The following EIF4E variants were observed in gnomAD, a reference collection of about 807,000 sequenced individuals.
EIF4E encodes the protein eukaryotic translation initiation factor 4E, also known as eIF-4F 25 kDa subunit.
For synonymous variants in EIF4E, 71 were observed against 88.5 expected, an observed-to-expected ratio of 0.80 and a Z score of 1.11; for missense variants, 113 against 265.6, an observed-to-expected ratio of 0.43 and a Z score of 3.99.
At chr4:98,882,396 CAAAAAAAA>C (rs33922454) in intron 6 of EIF4E, among the ~76,000 whole-genome samples, 2 of 85,212 alleles carry the variant, frequency 2.3e-5, no homozygotes, top group African/African-American at 4.5e-5. Context: ...GACTCCGTCT[CAAAAAAAA>C]AAAAAAAAAA....
chr4:98,912,983 G>T (rs1725218689), intron 1 of EIF4E, among the ~76,000 whole-genome samples: 1 of 152,066 alleles, frequency 6.6e-6, no homozygotes, highest in South Asian at 2.1e-4. Context: ...GAGGCAGGCG[G>T]ATCACCTGAG....
At chr4:98,891,211 A>G (rs778345747) in intron 3 of EIF4E, 26 bp downstream of exon 3, 1 of 1,610,826 alleles carries the variant, frequency 6.2e-7, no homozygotes, top group South Asian at 1.1e-5. Flanking sequence ...AAAACAACAA[A>G]CATACTAAAA....
intron 1 of EIF4E, among the ~76,000 whole-genome samples, chr4:98,914,228 T>C (rs190935595): frequency 0.014 from 2,161 of 151,702 alleles, 15 homozygotes; most frequent in Non-Finnish European, 0.02. Context: ...TGGTGGCGCA[T>C]GCCTGTAATC....
chr4:98,884,936 A>G lies in EIF4E; in HGVS notation c.525T>C (p.Ala175=). 1 of 1,612,984 alleles carries G rather than the reference A, an allele frequency of 6.2e-7. No individual in the cohort carries two copies. Among genetic ancestry groups the G allele is most frequent in the East Asian group, 2.2e-5 (1 of 44,806 alleles). Residue 175 remains alanine, a synonymous_variant, in exon 6 of 7, where the codon GCT becomes GCC. Coordinates refer to ENST00000450253, the MANE Select transcript of EIF4E (RefSeq NM_001968.5). Reference sequence around the variant, plus strand: ...GCAAAACTTACCCTATATGTGTAACAGCTTCTCTGTTTTCACATTCAGTAG... The same window carrying G: ...GCAAAACTTACCCTATATGTGTAACGGCTTCTCTGTTTTCACATTCAGTAG... ...IWTTECENRE[A]VTHIGRVYKE...
intron 3 of EIF4E, among the ~76,000 whole-genome samples, chr4:98,888,996 T>C (rs1346793604): frequency 2.6e-5 from 4 of 151,718 alleles, no homozygotes; most frequent in African/African-American, 4.8e-5. Context: ...CTGTCTCTAC[T>C]AAAAATACAA....
intron 2 of EIF4E, among the ~76,000 whole-genome samples, chr4:98,892,654 C>T (rs1365861482): frequency 1.4e-5 from 2 of 144,868 alleles, no homozygotes; most frequent in Non-Finnish European, 3.0e-5. Context: ...AGCACTCCAG[C>T]CAGGGCAACA....
intron 1 of EIF4E, among the ~76,000 whole-genome samples, chr4:98,905,528 G>A (rs1321231780): frequency 6.6e-6 from 1 of 152,164 alleles, no homozygotes; most frequent in Non-Finnish European, 1.5e-5. Context: ...GTAGGTTGGA[G>A]TGAGACTGTT....
chr4:98,896,506 A>AAAAAC (rs1724405797), intron 2 of EIF4E, among the ~76,000 whole-genome samples: 1 of 149,070 alleles, frequency 6.7e-6, no homozygotes, highest in African/African-American at 2.5e-5. Context: ...AAAAAAAAAA[A>AAAAAC]AAAACACCTT....
chr4:98,918,472 T>TA (rs546491554), intron 1 of EIF4E, among the ~76,000 whole-genome samples: 94 of 148,824 alleles, frequency 6.3e-4, no homozygotes, highest in African/African-American at 9.6e-4. Flanking sequence ...GGAGGAGCAC[T>TA]AAAAAAAAAA....
chr4:98,903,310 A>G, intron 1 of EIF4E: 2 of 409,176 alleles, frequency 4.9e-6, no homozygotes, highest in Non-Finnish European at 9.3e-6. Flanking sequence ...TTTATTGTCT[A>G]AAAGAATGCA....
intron 2 of EIF4E, among the ~76,000 whole-genome samples, 160 bp downstream of exon 2, chr4:98,901,716 T>C (rs1294803852): frequency 6.6e-6 from 1 of 152,204 alleles, no homozygotes; most frequent in Non-Finnish European, 1.5e-5. Context: ...GACTCACACA[T>C]AAAACTGTCT....
At chr4:98,903,573 A>G (rs1724738534) in intron 1 of EIF4E, 26 of 426,454 alleles carry the variant, frequency 6.1e-5, no homozygotes, top group Non-Finnish European at 9.8e-5. Context: ...CAAACTCCTG[A>G]GCTCAAGCAA....
chr4:98,921,224 C>T (rs1332558461), intron 1 of EIF4E, among the ~76,000 whole-genome samples: 1 of 152,090 alleles, frequency 6.6e-6, no homozygotes, highest in East Asian at 1.9e-4. Flanking sequence ...ATATACATTT[C>T]ACATATCAAT....
At chr4:98,899,724 C>T (rs933079047) in intron 2 of EIF4E, among the ~76,000 whole-genome samples, 1 of 151,966 alleles carries the variant, frequency 6.6e-6, no homozygotes, top group African/African-American at 2.4e-5. Context: ...GTAAAATATG[C>T]ACATACAAAC....
chr4:98,901,950 T>C lies in EIF4E; in HGVS notation c.51A>G (p.Thr17=), dbSNP rs538537081. The part of the protein sequence containing the change: ...ETTPTPNPPT[T]EEEKTESNQE... Reference sequence around the variant, plus strand: ...GATTAGATTCCGTTTTCTCCTCTTCTGTAGTCGGGGGATTAGGAGTAGGGG... The same window carrying C: ...GATTAGATTCCGTTTTCTCCTCTTCCGTAGTCGGGGGATTAGGAGTAGGGG... Residue 17 remains threonine, a synonymous_variant, in exon 2 of 7, where the codon ACA becomes ACG. Coordinates refer to ENST00000450253, the MANE Select transcript of EIF4E (RefSeq NM_001968.5). 16 of 1,613,552 alleles carry C rather than the reference T, an allele frequency of 9.9e-6. No homozygotes were observed. Among genetic ancestry groups the C allele is most frequent in the Non-Finnish European group, 1.2e-5 (14 of 1,179,938 alleles).
chr4:98,910,839 C>CT (rs1034824298), intron 1 of EIF4E, among the ~76,000 whole-genome samples: 6 of 151,148 alleles, frequency 4.0e-5, no homozygotes, highest in Non-Finnish European at 5.9e-5. Flanking sequence ...AAGCAGTTCT[C>CT]TTGCCTCAGC....
chr4:98,886,829 A>T, intron 5 of EIF4E: 1 of 463,932 alleles, frequency 2.2e-6, no homozygotes, highest in South Asian at 2.1e-5. Flanking sequence ...TAATGAAATG[A>T]CCACAGTGAG....
At chr4:98,881,242 A>G in intron 6 of EIF4E, 100 bp from the exon 7 acceptor site, 1 of 1,498,116 alleles carries the variant, frequency 6.7e-7, no homozygotes, top group Middle Eastern at 1.8e-4. Flanking sequence ...TATATTAAAA[A>G]ACATAGACTT....
At chr4:98,881,494 A>G (rs1242688109) in intron 6 of EIF4E, among the ~76,000 whole-genome samples, 1 of 152,184 alleles carries the variant, frequency 6.6e-6, no homozygotes, top group African/African-American at 2.4e-5. Context: ...TTTATAGTCT[A>G]GTAGAGAAAA....
Sources: gnomAD v4.1 joint callset for allele counts (sites outside exome capture counted in the v4.1 genomes callset) on GRCh38, gnomAD v4.1.1 for gene constraint, MANE v1.5 for transcripts, NCBI Gene and HGNC (gene_info 2026-07-23, HGNC 2026-07-21) for gene names.